Variants in FAM193A observed in about 807,000 individuals in gnomAD.
FAM193A encodes the protein family with sequence similarity 193 member A.
A neutral mutation model predicts 126.5 loss-of-function variants in FAM193A; 22 were observed. The ratio of observed to expected loss-of-function variants is 0.17; its 90% CI spans 0.12 to 0.25. The LOEUF (loss-of-function observed/expected upper bound fraction) is 0.25. FAM193A is among the 10% of genes least tolerant of loss of function. The pLI, the probability that FAM193A is intolerant of heterozygous loss-of-function variation, is 1.00. For missense variants in FAM193A, 1,675 were observed against 1,672.8 expected, an observed-to-expected ratio of 1.00 and a Z score of -0.02; for synonymous variants, 761 against 646.8, an observed-to-expected ratio of 1.18 and a Z score of -2.68.
At chr4:2,579,572 G>A (rs866101727) in intron 1 of FAM193A, among the ~76,000 whole-genome samples, 22 of 152,086 alleles carry the variant, frequency 1.4e-4, no homozygotes, top group African/African-American at 4.8e-4. Flanking sequence ...AATGGCACTC[G>A]CCTGTGGTCC....
At chr4:2,547,471 C>G (rs1047888266) in intron 1 of FAM193A, among the ~76,000 whole-genome samples, 2 of 151,950 alleles carry the variant, frequency 1.3e-5, no homozygotes, top group Non-Finnish European at 2.9e-5. Context: ...AGGCTGGTGT[C>G]TATCTCCAGG....
At chr4:2,578,738 G>T (rs1739748718) in intron 1 of FAM193A, among the ~76,000 whole-genome samples, 1 of 152,020 alleles carries the variant, frequency 6.6e-6, no homozygotes, top group Admixed American at 6.6e-5. Context: ...GCTTCTTATA[G>T]ATATTATCTA....
Position 2,696,263 on chromosome 4 carries a change from C to T in FAM193A, c.3277-100C>T, listed in dbSNP as rs911227478. Reference sequence around the variant, plus strand: ...CCTTATTTTTCACAACAAATATATACTACTTGAGTAATAAAACAGTTTATT... The same window carrying T: ...CCTTATTTTTCACAACAAATATATATTACTTGAGTAATAAAACAGTTTATT... On this transcript the variant is annotated intron_variant, in intron 17 of 20. Transcript: ENST00000637812. The T allele has an allele frequency of 7.2e-5, 54 of 753,084 alleles. No homozygotes were observed. In the Admixed American group the frequency reaches 1.5e-3, roughly 20 times the overall value. 46.7% of individuals were successfully genotyped at this position (753,084 alleles called of 1,614,324 possible). A position where few individuals can be genotyped will look rare whatever the true frequency, so the allele number is the denominator to read the frequency against.
At chr4:2,552,728 G>A (rs1454296402) in intron 1 of FAM193A, among the ~76,000 whole-genome samples, 2 of 151,604 alleles carry the variant, frequency 1.3e-5, no homozygotes, top group South Asian at 2.1e-4. Context: ...TAGTAGAGAC[G>A]GGGTTTCACC....
intron 1 of FAM193A, among the ~76,000 whole-genome samples, chr4:2,569,783 T>C (rs955864496): frequency 6.6e-6 from 1 of 152,182 alleles, no homozygotes; most frequent in Non-Finnish European, 1.5e-5. Context: ...AGAATTATGA[T>C]TGTAATCCAC....
intron 3 of FAM193A, among the ~76,000 whole-genome samples, chr4:2,625,719 C>CT (rs35220520): frequency 0.014 from 1,104 of 79,272 alleles, 27 homozygotes; most frequent in African/African-American, 0.036. Context: ...TGGAGCTCAT[C>CT]TTTTTTTTTT....
At chr4:2,679,907 T>A (rs750334754) in intron 13 of FAM193A, among the ~76,000 whole-genome samples, 4 of 151,694 alleles carry the variant, frequency 2.6e-5, no homozygotes, top group Admixed American at 6.6e-5. Context: ...TCACCCAGGC[T>A]GGAATGCAGT....
At chr4:2,550,025 CTTTT>C (rs35806343) in intron 1 of FAM193A, among the ~76,000 whole-genome samples, 5 of 132,178 alleles carry the variant, frequency 3.8e-5, no homozygotes, top group African/African-American at 1.4e-4. Context: ...CCGCACCTGG[CTTTT>C]TTTTTTTTTT....
intron 13 of FAM193A, among the ~76,000 whole-genome samples, chr4:2,689,033 A>G (rs997079994): frequency 6.6e-6 from 1 of 152,270 alleles, no homozygotes; most frequent in Non-Finnish European, 1.5e-5. Flanking sequence ...AGCACAGTAT[A>G]CAAATTTCTC....
At chr4:2,724,360 G>A (rs536751161) in intron 20 of FAM193A, among the ~76,000 whole-genome samples, 4 of 151,868 alleles carry the variant, frequency 2.6e-5, no homozygotes, top group African/African-American at 9.7e-5. Flanking sequence ...TTTTTCCTTT[G>A]ACAAAACCAC....
intron 19 of FAM193A, among the ~76,000 whole-genome samples, chr4:2,706,678 T>C (rs546424404): frequency 6.6e-6 from 1 of 150,824 alleles, no homozygotes; most frequent in South Asian, 2.1e-4. Flanking sequence ...TGTGTCATTA[T>C]TGCATTTAGT....
At chr4:2,595,612 A>C (rs959684316) in intron 1 of FAM193A, among the ~76,000 whole-genome samples, 4 of 152,202 alleles carry the variant, frequency 2.6e-5, no homozygotes, top group African/African-American at 9.7e-5. Context: ...AGCTGCCATC[A>C]GCTCCCTGTT....
chr4:2,685,988 CTG>C (rs1715696874), intron 13 of FAM193A, among the ~76,000 whole-genome samples: 3 of 152,130 alleles, frequency 2.0e-5, no homozygotes, highest in African/African-American at 7.2e-5. Flanking sequence ...AATTGGTGTT[CTG>C]ATTCAATAGC....
intron 2 of FAM193A, among the ~76,000 whole-genome samples, chr4:2,613,421 A>C (rs1741997736): frequency 6.7e-6 from 1 of 149,414 alleles, no homozygotes; most frequent in Non-Finnish European, 1.5e-5. Context: ...GTACTGTAAA[A>C]ACTCATTTAT....
chr4:2,543,849 A>G (rs947145505), intron 1 of FAM193A, among the ~76,000 whole-genome samples: 4 of 146,714 alleles, frequency 2.7e-5, no homozygotes, highest in Admixed American at 2.1e-4. Context: ...CAGCCTGCAC[A>G]AAAGAATGAG....
intron 1 of FAM193A, among the ~76,000 whole-genome samples, chr4:2,595,614 C>T (rs1740810340): frequency 6.6e-6 from 1 of 152,212 alleles, no homozygotes; most frequent in South Asian, 2.1e-4. Flanking sequence ...CTGCCATCAG[C>T]TCCCTGTTTA....
At chr4:2,645,150 C>T (rs543366569) in intron 6 of FAM193A, among the ~76,000 whole-genome samples, 2 of 152,008 alleles carry the variant, frequency 1.3e-5, no homozygotes, top group Non-Finnish European at 2.9e-5. Flanking sequence ...CATTTGGTAG[C>T]TTCTAGTGTT....
intron 7 of FAM193A, among the ~76,000 whole-genome samples, chr4:2,653,015 G>A (rs1745822399): frequency 6.6e-6 from 1 of 152,292 alleles, no homozygotes; most frequent in South Asian, 2.1e-4. Context: ...TAGGTCAGCG[G>A]TGTCCTACGT....
At chr4:2,640,421 G>A (rs112080384) in intron 6 of FAM193A, among the ~76,000 whole-genome samples, 48 of 152,254 alleles carry the variant, frequency 3.2e-4, no homozygotes, top group Admixed American at 1.4e-3. Context: ...GTATTTGCTC[G>A]GGGTCAGAGT....
Sources: allele counts gnomAD v4.1 joint callset (sites outside exome capture counted in the v4.1 genomes callset), GRCh38; gene constraint gnomAD v4.1.1; transcripts MANE v1.5; gene names NCBI Gene and HGNC (gene_info 2026-07-23, HGNC 2026-07-21).